MACROD2: variants seen among roughly 807,000 people sequenced by gnomAD.
MACROD2 encodes the protein mono-ADP ribosylhydrolase 2.
MACROD2 carries 36 observed loss-of-function variants against 70.4 expected under a neutral mutation model. The ratio of observed to expected loss-of-function variants is 0.51; its 90% confidence interval spans 0.39 to 0.68. The LOEUF is 0.68. MACROD2 is among the 30% of genes least tolerant of loss of function. The probability of loss-of-function intolerance (pLI) is 0.00; values close to 1 mark genes in which losing one functional copy is unlikely to be tolerated. For missense variants in MACROD2, 496 were observed against 538.4 expected (o/e 0.92, Z 0.78); for synonymous variants, 172 against 178.8 (o/e 0.96, Z 0.30).
chr20:14,954,101 A>T lies in MACROD2; in HGVS notation c.418+269142A>T, dbSNP rs528484083. ...TCTTTGTTGTTATGTGAGACACCTT[A>T]AGTATAGATTGGTGTTAAAACAAGT... On this transcript the variant is annotated intron_variant, in intron 5 of 17. Transcript: ENST00000684519. Among the ~76,000 whole-genome samples, 411 of 152,178 alleles carry T rather than the reference A, an allele frequency of 2.7e-3. 1 individual carries two copies. Among genetic ancestry groups the T allele is most frequent in the Non-Finnish European group, 4.9e-3 (335 of 67,986 alleles).
Position 16,049,896 on chromosome 20 carries a change from G to T in MACROD2, c.*20G>T, listed in dbSNP as rs757599055. On this transcript the variant is annotated 3_prime_UTR_variant, in exon 18 of 18. Coordinates refer to ENST00000684519, the MANE Select transcript of MACROD2 (RefSeq NM_001351661.2). ...AAATGACAATCCTCAGCATCGCAAGGCCTCTCCTGGCTCTGGGGGAGCTCG... is the reference window on the plus strand; with the variant it reads ...AAATGACAATCCTCAGCATCGCAAGTCCTCTCCTGGCTCTGGGGGAGCTCG... 3 of 1,590,132 alleles carry T rather than the reference G, an allele frequency of 1.9e-6. No homozygotes were observed. Among genetic ancestry groups the T allele is most frequent in the East Asian group, 2.3e-5 (1 of 43,256 alleles).
At position 14,326,513 on chromosome 20, in the gene MACROD2, G is replaced by T; in HGVS notation, c.272-166966G>T. On this transcript the variant is annotated intron_variant, in intron 3 of 17. Transcript: ENST00000684519. This position sits in a 1 kb window ranked among gnomAD's most constrained non-coding sequence, Gnocchi z 5.5. ...ACCTTTTCTGGGGCTTGGCACATGAGCCCACGCACGTTGACCTTCACAGGT... is the reference window on the plus strand; with the variant it reads ...ACCTTTTCTGGGGCTTGGCACATGATCCCACGCACGTTGACCTTCACAGGT... The T allele has an allele frequency of 6.2e-7, 1 of 1,613,872 alleles. No individual in the cohort carries two copies. The highest frequency in any genetic ancestry group is 8.5e-7 in the Non-Finnish European group (1 of 1,179,856).
chr20:15,861,633 A>G (rs2064425552), intron 8 of MACROD2, among the ~76,000 whole-genome samples: 2 of 152,190 alleles, frequency 1.3e-5, no homozygotes, highest in Non-Finnish European at 2.9e-5. Flanking sequence ...GCTTGGGCAG[A>G]GACTAAGGAG....
chr20:14,370,779 A>C (rs1166511467), intron 3 of MACROD2, among the ~76,000 whole-genome samples: 1 of 152,188 alleles, frequency 6.6e-6, no homozygotes, highest in South Asian at 2.1e-4. Context: ...TAAAAACCAC[A>C]GTTTCTTTTT....
At chr20:14,971,103 T>G (rs1034903713) in intron 5 of MACROD2, among the ~76,000 whole-genome samples, 1 of 152,182 alleles carries the variant, frequency 6.6e-6, no homozygotes, top group Non-Finnish European at 1.5e-5. Context: ...CTGTAGACTT[T>G]CAATCAGTCA....
At chr20:14,831,807 A>G (rs997218569) in intron 5 of MACROD2, among the ~76,000 whole-genome samples, 1 of 145,796 alleles carries the variant, frequency 6.9e-6, no homozygotes, top group Admixed American at 6.8e-5. Context: ...AAAAAAAAAA[A>G]GCAACAACAC....
chr20:14,459,338 T>C (rs2084340341), intron 3 of MACROD2, among the ~76,000 whole-genome samples: 1 of 152,014 alleles, frequency 6.6e-6, no homozygotes, highest in Admixed American at 6.6e-5. Context: ...AGGGGAATTC[T>C]GACAAATATT....
At chr20:15,805,172 TG>T (rs1407850694) in intron 8 of MACROD2, among the ~76,000 whole-genome samples, 1 of 152,212 alleles carries the variant, frequency 6.6e-6, no homozygotes, top group Admixed American at 6.5e-5. Context: ...ATACTGAGAC[TG>T]ATTCCCACAA....
intron 4 of MACROD2, among the ~76,000 whole-genome samples, chr20:14,680,189 A>C (rs2070914801): frequency 6.6e-6 from 1 of 152,212 alleles, no homozygotes; most frequent in Non-Finnish European, 1.5e-5. Flanking sequence ...GGAGCCCAAA[A>C]TCTACAAATA....
intron 6 of MACROD2, among the ~76,000 whole-genome samples, chr20:15,251,549 G>A (rs1479143964): frequency 6.6e-6 from 1 of 152,140 alleles, no homozygotes; most frequent in Non-Finnish European, 1.5e-5. Flanking sequence ...TTGCATCAAC[G>A]TCAGAGAATA....
intron 3 of MACROD2, among the ~76,000 whole-genome samples, chr20:14,118,934 C>T (rs2054546267): frequency 6.6e-6 from 1 of 150,994 alleles, no homozygotes; most frequent in African/African-American, 2.4e-5. Context: ...CCACCTCTGC[C>T]TCCCAGGTTC....
rs1460345760 is a variant in MACROD2 at position 15,230,178 on chromosome 20, G to GGATCTTA, written c.540+119_540+125dup. On this transcript the variant is annotated intron_variant, in intron 6 of 17. Transcript: ENST00000684519. Reference sequence around the variant, plus strand: ...CCAAACTTTTGAGAACTAAGTTTAAGGATCTTAGTAGCCGATTTGGTTATC... The same window carrying GGATCTTA: ...CCAAACTTTTGAGAACTAAGTTTAAGGATCTTAGATCTTAGTAGCCGATTTGGTTATC... 9.6e-6 allele frequency: 9 copies of GGATCTTA among 935,068 alleles called. No individual in the cohort carries two copies. In the Admixed American group the frequency reaches 1.9e-4, roughly 20 times the overall value. The allele number at this position is 935,068 out of a possible 1,614,324, so 57.9% of individuals were successfully genotyped here. A position where few individuals can be genotyped will look rare whatever the true frequency, so the allele number is the denominator to read the frequency against.
chr20:14,819,299 C>T (rs897153643), intron 5 of MACROD2, among the ~76,000 whole-genome samples: 1 of 151,168 alleles, frequency 6.6e-6, no homozygotes, highest in African/African-American at 2.4e-5. Flanking sequence ...AACAAAAAAC[C>T]CCCAAAAAAT....
intron 8 of MACROD2, among the ~76,000 whole-genome samples, chr20:15,834,449 C>T (rs2064090797): frequency 6.6e-6 from 1 of 152,174 alleles, no homozygotes; most frequent in Admixed American, 6.5e-5. Context: ...CTCTTTATTT[C>T]TTAAGGCCAA....
chr20:15,936,669 G>GTATATATATATATATATATATA (rs1568653268), intron 11 of MACROD2, among the ~76,000 whole-genome samples: 25 of 33,134 alleles, frequency 7.5e-4, no homozygotes, highest in Middle Eastern at 0.017. Context: ...GTGTATATGT[G>GTATATATATATATATATATATA]TGTATATATA....
intron 8 of MACROD2, among the ~76,000 whole-genome samples, chr20:15,795,964 G>A (rs1291844972): frequency 6.6e-6 from 1 of 152,164 alleles, no homozygotes; most frequent in Non-Finnish European, 1.5e-5. Context: ...AAGAGGCTGG[G>A]AGATCTTCGG....
intron 3 of MACROD2, among the ~76,000 whole-genome samples, chr20:14,274,780 A>T (rs2082234064): frequency 6.6e-6 from 1 of 151,906 alleles, no homozygotes; most frequent in South Asian, 2.1e-4. Context: ...CCTTAAGCTG[A>T]TAAGCAATTT....
At chr20:14,783,929 G>T (rs2072332405) in intron 5 of MACROD2, among the ~76,000 whole-genome samples, 1 of 152,052 alleles carries the variant, frequency 6.6e-6, no homozygotes. Context: ...ATTAAGTCCT[G>T]AGCACTCTCA....
At chr20:14,481,071 A>C (rs891280884) in intron 3 of MACROD2, among the ~76,000 whole-genome samples, 2 of 152,158 alleles carry the variant, frequency 1.3e-5, no homozygotes, top group Non-Finnish European at 2.9e-5. Context: ...TGCTAACGAT[A>C]GAAAACTTAG....
Sources: gnomAD v4.1 joint callset for allele counts (sites outside exome capture counted in the v4.1 genomes callset) on GRCh38, gnomAD v4.1.1 for gene constraint, Gnocchi (gnomAD v3.1) non-coding constraint, MANE v1.5 for transcripts, NCBI Gene and HGNC (gene_info 2026-07-23, HGNC 2026-07-21) for gene names.